TXNDC16: variants seen among roughly 807,000 people sequenced by gnomAD.
TXNDC16 encodes the protein thioredoxin domain containing 16, also known as thioredoxin domain-containing protein 16.
A neutral mutation model predicts 85.6 loss-of-function variants in TXNDC16; 74 were observed. That is an observed-to-expected ratio of 0.86 (90% CI 0.72 to 1.05). TXNDC16 has a LOEUF of 1.05. Ranked by LOEUF, TXNDC16 falls within the 50% of genes least tolerant of loss-of-function variation. The pLI, the probability that TXNDC16 is intolerant of heterozygous loss-of-function variation, is 0.00. For missense variants in TXNDC16, 959 were observed against 947.0 expected (o/e 1.01, Z -0.17); for synonymous variants, 335 against 326.5 (o/e 1.03, Z -0.28).
chr14:52,538,627 A>T (rs568965087), intron 4 of TXNDC16, among the ~76,000 whole-genome samples: 4 of 152,198 alleles, frequency 2.6e-5, no homozygotes, highest in Non-Finnish European at 5.9e-5. Flanking sequence ...GCAGATTGAG[A>T]TAGAGGAAGA....
At chr14:52,518,393 A>G (rs1306793864) in intron 7 of TXNDC16, among the ~76,000 whole-genome samples, 1 of 152,154 alleles carries the variant, frequency 6.6e-6, no homozygotes, top group Non-Finnish European at 1.5e-5. Context: ...TCCTCTCCAA[A>G]TTATCTATTC....
chr14:52,436,770 T>G (rs1371817989), intron 20 of TXNDC16, among the ~76,000 whole-genome samples: 1 of 152,136 alleles, frequency 6.6e-6, no homozygotes, highest in Non-Finnish European at 1.5e-5. Flanking sequence ...TACCTGATAG[T>G]TGACATAATA....
Position 52,482,302 on chromosome 14 carries a change from T to G in TXNDC16, c.1253-13A>C. 1 of 1,607,712 alleles carries G rather than the reference T, an allele frequency of 6.2e-7. No homozygotes were observed. On this transcript the variant is annotated splice_polypyrimidine_tract_variant and intron_variant, in intron 13 of 20. Coordinates refer to ENST00000281741, the MANE Select transcript of TXNDC16 (RefSeq NM_020784.3). ...GATACTGCTTGCCCTATATGAAAATTAAAAATTCAACAGATATTACATGTA... is the reference window on the plus strand; with the variant it reads ...GATACTGCTTGCCCTATATGAAAATGAAAAATTCAACAGATATTACATGTA...
intron 13 of TXNDC16, 72 bp from the exon 14 acceptor site, chr14:52,482,361 A>G: frequency 7.7e-7 from 1 of 1,290,602 alleles, no homozygotes; most frequent in Non-Finnish European, 1.1e-6. Context: ...TATGTAACAA[A>G]TATACAGATT....
chr14:52,514,924 G>A lies in TXNDC16; in HGVS notation c.561C>T (p.Tyr187=), dbSNP rs1270524008. Residue 187 remains tyrosine (Y), a synonymous_variant, in exon 8 of 21, where the codon TAC becomes TAT. Transcript: ENST00000281741. ...MEAAFVYGTT[Y]QFVLTTEIAL... is the part of the protein sequence containing the mutation. ...CAATTTCTGTGGTTAAGACAAATTG[G>A]TATGTAGTCCCATACACAAAAGCGG... is the stretch of plus-strand genomic sequence containing the variant. 1.2e-6 allele frequency: 2 copies of A among 1,612,724 alleles called. No individual in the cohort carries two copies. Among genetic ancestry groups the A allele is most frequent in the Non-Finnish European group, 1.7e-6 (2 of 1,179,086 alleles).
At chr14:52,447,912 C>T (rs2140108241) in intron 18 of TXNDC16, among the ~76,000 whole-genome samples, 1 of 151,266 alleles carries the variant, frequency 6.6e-6, no homozygotes, top group East Asian at 1.9e-4. Flanking sequence ...ATGTAGAATA[C>T]ATCAGAGTCC....
At chr14:52,504,890 T>C (rs920364160) in intron 9 of TXNDC16, among the ~76,000 whole-genome samples, 2 of 151,348 alleles carry the variant, frequency 1.3e-5, no homozygotes, top group South Asian at 2.1e-4. Context: ...ACCAAGCAAA[T>C]GGAAAACAAA....
chr14:52,465,749 A>C (rs1441131642), intron 16 of TXNDC16, among the ~76,000 whole-genome samples: 2 of 152,216 alleles, frequency 1.3e-5, no homozygotes. Context: ...ATTCCTGTGA[A>C]GCAAGAGATA....
intron 6 of TXNDC16, among the ~76,000 whole-genome samples, chr14:52,530,331 T>A (rs930129553): frequency 0.039 from 1,626 of 42,178 alleles, 56 homozygotes; most frequent in East Asian, 0.098. Flanking sequence ...TATTTTTATA[T>A]TATATATAAT....
Position 52,466,229 on chromosome 14 carries a change from C to T in TXNDC16, c.1618+3808G>A, listed in dbSNP as rs551088649. Among the ~76,000 whole-genome samples, 11 of 151,198 alleles carry T rather than the reference C, an allele frequency of 7.3e-5. No individual in the cohort carries two copies. The South Asian group carries it at 2.3e-3, about 32-fold the overall frequency. On this transcript the variant is annotated intron_variant, in intron 16 of 20. Transcript: ENST00000281741. Reference sequence around the variant, plus strand: ...AAAAAACCATAGAACCCCATCTCTACTAAAAATACAAAAAGTAGCCAGGCA... The same window carrying T: ...AAAAAACCATAGAACCCCATCTCTATTAAAAATACAAAAAGTAGCCAGGCA...
intron 16 of TXNDC16, among the ~76,000 whole-genome samples, chr14:52,463,305 A>G (rs554074523): frequency 6.6e-6 from 1 of 152,260 alleles, no homozygotes; most frequent in South Asian, 2.1e-4. Flanking sequence ...GCTGCGAGAG[A>G]GCAATGGACA....
chr14:52,479,823 C>T (rs1304677063), intron 14 of TXNDC16, among the ~76,000 whole-genome samples: 1 of 151,900 alleles, frequency 6.6e-6, no homozygotes, highest in Non-Finnish European at 1.5e-5. Flanking sequence ...AAAAACAATC[C>T]TAAAATTCAC....
At chr14:52,530,217 T>C (rs1594757285) in intron 6 of TXNDC16, among the ~76,000 whole-genome samples, 1 of 50,704 alleles carries the variant, frequency 2.0e-5, no homozygotes, top group Non-Finnish European at 2.9e-5. Context: ...TTATACAGAA[T>C]AATATATAAT....
intron 6 of TXNDC16, among the ~76,000 whole-genome samples, chr14:52,534,281 A>T (rs916026121): frequency 1.7e-4 from 26 of 152,068 alleles, no homozygotes; most frequent in African/African-American, 6.3e-4. Context: ...CCTTCTCCCA[A>T]CTACTTCTAA....
intron 14 of TXNDC16, among the ~76,000 whole-genome samples, chr14:52,477,152 C>A (rs1248322065): frequency 2.0e-5 from 3 of 152,098 alleles, no homozygotes; most frequent in Non-Finnish European, 4.4e-5. Flanking sequence ...ACCAAGCCAG[C>A]GCTACAAGAA....
intron 9 of TXNDC16, among the ~76,000 whole-genome samples, chr14:52,497,258 A>G (rs1387378461): frequency 6.6e-6 from 1 of 152,178 alleles, no homozygotes; most frequent in African/African-American, 2.4e-5. Flanking sequence ...TTAGAGACAT[A>G]CAACCTACCA....
chr14:52,468,608 T>G (rs572672910), intron 16 of TXNDC16, among the ~76,000 whole-genome samples: 5 of 152,334 alleles, frequency 3.3e-5, no homozygotes, highest in Admixed American at 2.6e-4. Context: ...GCAAGTACAG[T>G]GGCTCATGCC....
chr14:52,452,068 A>G (rs939472549), intron 18 of TXNDC16, among the ~76,000 whole-genome samples: 5 of 152,188 alleles, frequency 3.3e-5, no homozygotes, highest in African/African-American at 1.2e-4. Context: ...GAAATCAAGA[A>G]AGTAATCCTA....
chr14:52,438,089 G>A (rs746148848), intron 20 of TXNDC16, among the ~76,000 whole-genome samples: 23 of 152,186 alleles, frequency 1.5e-4, no homozygotes, highest in Non-Finnish European at 2.8e-4. Context: ...TTGAACGGAT[G>A]CTTCTCATGA....
Sources: gnomAD v4.1 joint callset for allele counts (sites outside exome capture counted in the v4.1 genomes callset) on GRCh38, gnomAD v4.1.1 for gene constraint, MANE v1.5 for transcripts, NCBI Gene and HGNC (gene_info 2026-07-23, HGNC 2026-07-21) for gene names.